KIF4A: variants seen among roughly 807,000 people sequenced by gnomAD.
KIF4A encodes kinesin family member 4A.
Under a neutral mutation model 105.9 loss-of-function variants are expected in KIF4A, and 7 were observed. That is an observed-to-expected ratio of 0.07 (90% CI 0.04 to 0.12). The LOEUF (loss-of-function observed/expected upper bound fraction) is 0.12, where lower values mean the gene tolerates loss of function less well. Ranked by LOEUF, KIF4A falls within the 10% of genes least tolerant of loss-of-function variation. The pLI, the probability that KIF4A is intolerant of heterozygous loss-of-function variation, is 1.00. For missense variants in KIF4A, 558 were observed against 929.2 expected, an observed-to-expected ratio of 0.60 and a Z score of 5.19; for synonymous variants, 281 against 331.3, an observed-to-expected ratio of 0.85 and a Z score of 1.65.
chrX:70,363,949 G>T (rs953938770), intron 15 of KIF4A, among the ~76,000 whole-genome samples: 9 of 112,015 alleles, frequency 8.0e-5, no homozygotes, highest in South Asian at 7.5e-4. Context: ...GTGTGAGATG[G>T]TATCTCATTG....
At chrX:70,350,506 AGAGGGG>A (rs1366655256) in intron 13 of KIF4A, among the ~76,000 whole-genome samples, 19 of 97,848 alleles carry the variant, frequency 1.9e-4, no homozygotes, top group African/African-American at 8.0e-4. Flanking sequence ...GGAAAGGGAG[AGAGGGG>A]GAGGGGGAGG....
At chrX:70,302,106 T>A in intron 6 of KIF4A, 40 bp downstream of exon 6, 1 of 1,183,237 alleles carries the variant, frequency 8.5e-7, no homozygotes, top group Non-Finnish European at 1.1e-6. Flanking sequence ...TTAGTATTAG[T>A]TCTATTAAGG....
chrX:70,343,828 G>A, intron 12 of KIF4A, 49 bp from the exon 13 acceptor site: 1 of 1,187,250 alleles, frequency 8.4e-7, no homozygotes, highest in African/African-American at 1.7e-5. Context: ...GGAGCCTCTG[G>A]CCTTTGTCAT....
intron 7 of KIF4A, 22 bp downstream of exon 7, chrX:70,302,420 C>T (rs764595518): frequency 8.4e-7 from 1 of 1,190,117 alleles, no homozygotes; most frequent in South Asian, 1.8e-5. Flanking sequence ...ATTAAGGTCA[C>T]AGTTGTAGAT....
At chrX:70,290,370 G>A in intron 1 of KIF4A, 68 bp from the exon 2 acceptor site, 1 of 1,131,413 alleles carries the variant, frequency 8.8e-7, no homozygotes. Flanking sequence ...CGGAACCGGG[G>A]AGGACGCCCT....
chrX:70,351,285 C>A (rs1447511797), intron 13 of KIF4A, among the ~76,000 whole-genome samples: 1 of 112,207 alleles, frequency 8.9e-6, no homozygotes, highest in African/African-American at 3.2e-5. Context: ...AGTAATTTCT[C>A]ATCCCTCACC....
intron 10 of KIF4A, among the ~76,000 whole-genome samples, chrX:70,336,347 G>A (rs1380361859): frequency 1.8e-5 from 2 of 111,932 alleles, no homozygotes; most frequent in African/African-American, 3.2e-5. Flanking sequence ...TGTATTGTCA[G>A]AGGTTTATCT....
intron 10 of KIF4A, among the ~76,000 whole-genome samples, chrX:70,337,923 A>G (rs1301938691): frequency 9.0e-6 from 1 of 111,444 alleles, no homozygotes. Flanking sequence ...CACCCTCACC[A>G]ATGTATTTTT....
At chrX:70,403,159 C>T (rs2086288413) in intron 23 of KIF4A, among the ~76,000 whole-genome samples, 1 of 112,380 alleles carries the variant, frequency 8.9e-6, no homozygotes, top group Admixed American at 9.4e-5. Context: ...TGTCACCTTA[C>T]GTTGTCACAA....
intron 23 of KIF4A, 76 bp downstream of exon 23, chrX:70,402,771 CAA>C: frequency 1.8e-6 from 2 of 1,097,192 alleles, no homozygotes; most frequent in Non-Finnish European, 2.5e-6. Flanking sequence ...GAAATATTGT[CAA>C]AGTGTTATTG....
chrX:70,297,237 C>T lies in KIF4A; in HGVS notation c.426+49C>T, dbSNP rs766450158. 1.9e-5 allele frequency: 20 copies of T among 1,067,324 alleles called. No homozygotes were observed. The Admixed American group carries it at 3.6e-4, about 19-fold the overall frequency. The allele number at this position is 1,067,324 out of a possible 1,213,427, so 88.0% of individuals were successfully genotyped here. The stretch of plus-strand genomic sequence containing the variant: ...TCTGAATTCGAAATTGTCTTTGGGT[C>T]GAAAAATAAATCCAAATCAGGTTTT... On this transcript the variant is annotated intron_variant, in intron 4 of 30. Transcript: ENST00000374403.
intron 7 of KIF4A, among the ~76,000 whole-genome samples, chrX:70,325,054 T>A (rs2085905719): frequency 8.9e-6 from 1 of 112,180 alleles, no homozygotes; most frequent in African/African-American, 3.2e-5. Flanking sequence ...CATGTTTCCA[T>A]CCTCTTTAAA....
At chrX:70,324,891 C>T (rs1009497593) in intron 7 of KIF4A, among the ~76,000 whole-genome samples, 10 of 111,525 alleles carry the variant, frequency 9.0e-5, no homozygotes, top group Non-Finnish European at 1.9e-4. Context: ...AAGCCATCCT[C>T]GCACCTCAGC....
intron 7 of KIF4A, among the ~76,000 whole-genome samples, chrX:70,319,646 A>T (rs899606593): frequency 5.3e-5 from 6 of 112,347 alleles, no homozygotes; most frequent in Non-Finnish European, 1.1e-4. Flanking sequence ...GTATTTTGAC[A>T]GTATTGCAAG....
chrX:70,388,906 C>T (rs928456562), intron 20 of KIF4A, among the ~76,000 whole-genome samples: 2 of 111,887 alleles, frequency 1.8e-5, no homozygotes, highest in Non-Finnish European at 3.8e-5. Context: ...TAATGCCATC[C>T]AATTTATTGA....
At chrX:70,331,320 A>C (rs1289094751) in intron 9 of KIF4A, among the ~76,000 whole-genome samples, 2 of 111,534 alleles carry the variant, frequency 1.8e-5, no homozygotes, top group African/African-American at 6.5e-5. Flanking sequence ...GAGTGTAGAA[A>C]GCAAGGAAAG....
At chrX:70,351,918 C>T (rs780121350) in intron 13 of KIF4A, among the ~76,000 whole-genome samples, 73 of 110,440 alleles carry the variant, frequency 6.6e-4, no homozygotes, top group African/African-American at 1.9e-3. Flanking sequence ...CCACCACGCC[C>T]GGCTAATTTT....
chrX:70,343,294 G>A (rs1263292626), intron 11 of KIF4A, among the ~76,000 whole-genome samples: 1 of 111,268 alleles, frequency 9.0e-6, no homozygotes, highest in East Asian at 2.8e-4. Flanking sequence ...AAGTAAGTGG[G>A]GTTTTTTGTT....
chrX:70,384,239 G>A lies in KIF4A; in HGVS notation c.2035-2379G>A, dbSNP rs768880698. Reference sequence around the variant, plus strand: ...TAGTGGGCACTCAATAATGTTTAGTGAATGATTTTAATCATAATTAATGCA... The same window carrying A: ...TAGTGGGCACTCAATAATGTTTAGTAAATGATTTTAATCATAATTAATGCA... On this transcript the variant is annotated intron_variant, in intron 18 of 30. Coordinates refer to ENST00000374403, the MANE Select transcript of KIF4A (RefSeq NM_012310.5). Among the ~76,000 whole-genome samples the A allele has an allele frequency of 3.8e-4, 42 of 111,871 alleles. No homozygotes were observed. In the South Asian group the frequency reaches 0.015, roughly 40 times the overall value.
Sources: gnomAD v4.1 joint callset for allele counts (sites outside exome capture counted in the v4.1 genomes callset) on GRCh38, gnomAD v4.1.1 for gene constraint, MANE v1.5 for transcripts, NCBI Gene and HGNC (gene_info 2026-07-23, HGNC 2026-07-21) for gene names.